Variants in LRP1B observed in about 807,000 individuals in gnomAD.
LRP1B encodes LDL receptor related protein 1B.
Under a neutral mutation model 556.6 loss-of-function variants are expected in LRP1B, and 217 were observed. The observed-to-expected ratio is 0.39, with a 90% CI of 0.35 to 0.44. The LOEUF (loss-of-function observed/expected upper bound fraction) is 0.44, where lower values mean the gene tolerates loss of function less well. Among genes scored for constraint, LRP1B ranks in the 20% least tolerant of loss-of-function variants. LRP1B has a pLI of 1.00. For missense variants in LRP1B, 5,053 were observed against 5,620.8 expected (o/e 0.90, Z 3.23); for synonymous variants, 2,047 against 1,865.8 (o/e 1.10, Z -2.50).
intron 71 of LRP1B, among the ~76,000 whole-genome samples, chr2:140,367,497 G>A (rs1682815601): frequency 6.6e-6 from 1 of 151,516 alleles, no homozygotes; most frequent in Non-Finnish European, 1.5e-5. Context: ...TCTGTCATTG[G>A]GATACTCCTT....
At chr2:141,673,445 T>C (rs940534232) in intron 2 of LRP1B, among the ~76,000 whole-genome samples, 2 of 152,170 alleles carry the variant, frequency 1.3e-5, no homozygotes, top group African/African-American at 4.8e-5. Flanking sequence ...ATTTCCCTTT[T>C]GCTAGGGAAA....
intron 83 of LRP1B, among the ~76,000 whole-genome samples, chr2:140,305,966 CG>C (rs1684046434): frequency 6.6e-6 from 1 of 151,198 alleles, no homozygotes; most frequent in Admixed American, 6.6e-5. Context: ...TATTGATTTG[CG>C]TATGTTAAAC....
chr2:141,039,751 A>G (rs879662630), intron 11 of LRP1B, among the ~76,000 whole-genome samples: 13 of 152,108 alleles, frequency 8.5e-5, no homozygotes, highest in Admixed American at 8.5e-4. Context: ...TCTAGCCACC[A>G]TAGCCAATTC....
chr2:141,150,765 G>T (rs763805187), intron 7 of LRP1B, among the ~76,000 whole-genome samples: 4 of 152,018 alleles, frequency 2.6e-5, no homozygotes, highest in Admixed American at 6.6e-5. Flanking sequence ...CTCAATTAGT[G>T]TTATCCTTTG....
At chr2:140,513,583 A>C (rs561082466) in intron 51 of LRP1B, among the ~76,000 whole-genome samples, 120 of 152,102 alleles carry the variant, frequency 7.9e-4, no homozygotes, top group African/African-American at 2.8e-3. Context: ...GTAAATAAAA[A>C]GTAGATTTTG....
chr2:141,475,277 G>A (rs1432724562), intron 3 of LRP1B, among the ~76,000 whole-genome samples: 1 of 152,150 alleles, frequency 6.6e-6, no homozygotes, highest in Non-Finnish European at 1.5e-5. Context: ...TGAGGCAGGA[G>A]AATCATTTAA....
chr2:141,776,313 A>G (rs972576946), intron 2 of LRP1B, among the ~76,000 whole-genome samples: 1 of 152,202 alleles, frequency 6.6e-6, no homozygotes, highest in African/African-American at 2.4e-5. Flanking sequence ...AAGATGGGCA[A>G]TTAACTTGTT....
intron 70 of LRP1B, 82 bp from the exon 71 acceptor site, chr2:140,370,924 T>C: frequency 7.1e-7 from 1 of 1,416,996 alleles, no homozygotes. Context: ...CAGCTTGTAA[T>C]ACTAGAGCTT....
At chr2:141,010,584 G>A (rs549829494) in intron 14 of LRP1B, among the ~76,000 whole-genome samples, 4 of 151,652 alleles carry the variant, frequency 2.6e-5, no homozygotes, top group South Asian at 2.1e-4. Flanking sequence ...GAACATTCTC[G>A]GCTCACTGCA....
intron 55 of LRP1B, among the ~76,000 whole-genome samples, chr2:140,499,980 A>G (rs1689109701): frequency 6.6e-6 from 1 of 151,934 alleles, no homozygotes; most frequent in South Asian, 2.1e-4. Context: ...TGTTAATTGT[A>G]CACAAGTGAT....
At chr2:141,043,443 G>A (rs1052506589) in intron 11 of LRP1B, among the ~76,000 whole-genome samples, 1 of 151,546 alleles carries the variant, frequency 6.6e-6, no homozygotes, top group East Asian at 1.9e-4. Flanking sequence ...ATCCCTATAT[G>A]TCTATTATGA....
chr2:141,284,310 T>C (rs1280013878), intron 3 of LRP1B, among the ~76,000 whole-genome samples: 2 of 152,124 alleles, frequency 1.3e-5, no homozygotes, highest in East Asian at 1.9e-4. Flanking sequence ...AAAATAATGA[T>C]CTGTAGAAAA....
intron 32 of LRP1B, among the ~76,000 whole-genome samples, chr2:140,796,914 TA>T (rs1412025362): frequency 2.0e-5 from 3 of 151,960 alleles, no homozygotes; most frequent in African/African-American, 7.2e-5. Flanking sequence ...TTAAATCTTT[TA>T]AAATGATATG....
intron 3 of LRP1B, among the ~76,000 whole-genome samples, chr2:141,261,724 TC>T (rs140113227): frequency 0.12 from 18,548 of 152,132 alleles, 1,183 homozygotes; most frequent in South Asian, 0.17. Context: ...TAGGTAGTTC[TC>T]CCTTTTTGGT....
chr2:141,365,503 ACACTT>A (rs1688986483), intron 3 of LRP1B, among the ~76,000 whole-genome samples: 1 of 151,046 alleles, frequency 6.6e-6, no homozygotes, highest in Non-Finnish European at 1.5e-5. Context: ...TTTTTGTCAA[ACACTT>A]CCATTCACTG....
intron 3 of LRP1B, among the ~76,000 whole-genome samples, chr2:141,424,681 A>C (rs1322822417): frequency 6.6e-6 from 1 of 152,190 alleles, no homozygotes; most frequent in Non-Finnish European, 1.5e-5. Flanking sequence ...GCACTATATT[A>C]ATCTCATTAA....
At position 141,592,169 on chromosome 2, in the gene LRP1B, T is replaced by C. The variant is rs553067009; in HGVS notation, c.206-111636A>G. Among the ~76,000 whole-genome samples, 6 of 152,318 alleles carry C rather than the reference T, an allele frequency of 3.9e-5. No homozygotes were observed. The East Asian group carries it at 5.8e-4, about 15-fold the overall frequency. On this transcript the variant is annotated intron_variant, in intron 2 of 90. Transcript: ENST00000389484. ...TCCATTTTTCCATACTTATTGTTTA[T>C]ATGGCTTTCCTGCATTTCATTTGGA...
chr2:141,540,886 T>A (rs1685234263), intron 2 of LRP1B, among the ~76,000 whole-genome samples: 1 of 152,002 alleles, frequency 6.6e-6, no homozygotes, highest in South Asian at 2.1e-4. Flanking sequence ...TGGTGAATCA[T>A]GCTCTACATT....
At chr2:141,200,700 G>T (rs932841819) in intron 6 of LRP1B, among the ~76,000 whole-genome samples, 20 of 152,030 alleles carry the variant, frequency 1.3e-4, no homozygotes, top group African/African-American at 4.8e-4. Flanking sequence ...TTTTCTTGTA[G>T]TTTTCATCAC....
Sources: gnomAD v4.1 joint callset for allele counts (sites outside exome capture counted in the v4.1 genomes callset) on GRCh38, gnomAD v4.1.1 for gene constraint, MANE v1.5 for transcripts, NCBI Gene and HGNC (gene_info 2026-07-23, HGNC 2026-07-21) for gene names.